Variants in TNR observed in about 807,000 individuals in gnomAD.
TNR encodes tenascin R.
In TNR, 45 loss-of-function variants were observed where a neutral mutation model predicts 150.4. The observed-to-expected ratio is 0.30, with a 90% confidence interval of 0.24 to 0.38. The LOEUF (loss-of-function observed/expected upper bound fraction) is 0.38. TNR is among the 10% of genes least tolerant of loss of function. The probability of loss-of-function intolerance (pLI) is 1.00; values close to 1 mark genes in which losing one functional copy is unlikely to be tolerated. For synonymous variants in TNR, 687 were observed against 678.4 expected (o/e 1.01, Z -0.20); for missense variants, 1,544 against 1,759.1 (o/e 0.88, Z 2.19).
At chr1:175,692,421 C>T (rs771574176) in intron 1 of TNR, among the ~76,000 whole-genome samples, 20 of 152,220 alleles carry the variant, frequency 1.3e-4, no homozygotes, top group Non-Finnish European at 2.4e-4. Flanking sequence ...TATATGTGTG[C>T]GTGGCATCTG....
intron 2 of TNR, among the ~76,000 whole-genome samples, chr1:175,467,351 T>G (rs1657079080): frequency 6.6e-6 from 1 of 152,230 alleles, no homozygotes; most frequent in African/African-American, 2.4e-5. Context: ...CTGCCTCATG[T>G]TCTTTAAAAC....
At chr1:175,479,205 G>A (rs1657673484) in intron 2 of TNR, among the ~76,000 whole-genome samples, 1 of 152,082 alleles carries the variant, frequency 6.6e-6, no homozygotes, top group Non-Finnish European at 1.5e-5. Flanking sequence ...CTCCCTAAAT[G>A]GTTGCCCAAT....
chr1:175,543,317 G>A (rs774848310), intron 1 of TNR, among the ~76,000 whole-genome samples: 16 of 152,194 alleles, frequency 1.1e-4, no homozygotes, highest in Admixed American at 2.6e-4. Flanking sequence ...TTTAATGGGA[G>A]AGACAGGTTC....
At position 175,407,981 on chromosome 1, in the gene TNR, G is replaced by C. The variant is rs375434802; in HGVS notation, c.-63-1204C>G. Among the ~76,000 whole-genome samples, 39 of 152,294 alleles carry C rather than the reference G, an allele frequency of 2.6e-4. No homozygotes were observed. The South Asian group carries it at 7.9e-3, about 31-fold the overall frequency. ...AGGAATATCGCGATTAGAAAATTTT[G>C]CTAGGGTCAGATTCAATGTTCTTTT... On this transcript the variant is annotated intron_variant, in intron 2 of 22. Coordinates refer to ENST00000367674, the MANE Select transcript of TNR (RefSeq NM_003285.3).
intron 1 of TNR, among the ~76,000 whole-genome samples, chr1:175,626,675 T>C (rs2101869562): frequency 1.3e-5 from 2 of 152,366 alleles, no homozygotes; most frequent in Middle Eastern, 6.8e-3. Flanking sequence ...CTTATTTATA[T>C]TTGTGTCTTA....
chr1:175,323,474 G>A lies in TNR; in HGVS notation c.3960C>T (p.Gly1320=). ...GKYGESRHSQ[G]INWYHWKGHE... Reference sequence around the variant, plus strand: ...GGCCTTTCCAATGGTACCAGTTGATGCCCTGGGCGTGAGAAAGATAAGCAT... The same window carrying A: ...GGCCTTTCCAATGGTACCAGTTGATACCCTGGGCGTGAGAAAGATAAGCAT... Residue 1320 remains glycine (G), a splice_region_variant and synonymous_variant, in exon 23 of 23, where the codon GGC becomes GGT. Transcript: ENST00000367674. 1 of 1,613,724 alleles carries A rather than the reference G, an allele frequency of 6.2e-7. No homozygotes were observed. The highest frequency in any genetic ancestry group is 8.5e-7 in the Non-Finnish European group (1 of 1,179,816).
chr1:175,592,517 C>T (rs1662840321), intron 1 of TNR, among the ~76,000 whole-genome samples: 3 of 152,262 alleles, frequency 2.0e-5, no homozygotes, highest in African/African-American at 7.2e-5. Context: ...GAGCCGGAGG[C>T]TCTCTCACTT....
intron 8 of TNR, among the ~76,000 whole-genome samples, chr1:175,381,483 G>A (rs3753550): frequency 0.054 from 8,157 of 152,254 alleles, 314 homozygotes; most frequent in Middle Eastern, 0.17. Context: ...TACCTCCAAT[G>A]TCAATGATCC....
intron 1 of TNR, among the ~76,000 whole-genome samples, chr1:175,553,931 A>G (rs1445155424): frequency 6.6e-6 from 1 of 152,118 alleles, no homozygotes; most frequent in African/African-American, 2.4e-5. Flanking sequence ...GAACAAATGC[A>G]TTATCTTAAA....
intron 2 of TNR, among the ~76,000 whole-genome samples, chr1:175,467,446 A>G (rs1657082251): frequency 6.6e-6 from 1 of 152,240 alleles, no homozygotes; most frequent in Non-Finnish European, 1.5e-5. Context: ...GAGTGACCCC[A>G]TGGAGAATTT....
chr1:175,507,810 A>G (rs1405677006), intron 2 of TNR, among the ~76,000 whole-genome samples: 1 of 152,236 alleles, frequency 6.6e-6, no homozygotes, highest in Non-Finnish European at 1.5e-5. Flanking sequence ...CACCAGCATG[A>G]GTGACAAGGA....
At chr1:175,448,962 G>A (rs909280516) in intron 2 of TNR, among the ~76,000 whole-genome samples, 1 of 152,204 alleles carries the variant, frequency 6.6e-6, no homozygotes, top group Non-Finnish European at 1.5e-5. Context: ...CCTTGAGTCA[G>A]GGAAGACCTG....
intron 1 of TNR, among the ~76,000 whole-genome samples, chr1:175,669,975 A>ACACTCTGTTT (rs1292986818): frequency 1.2e-4 from 18 of 152,256 alleles, no homozygotes; most frequent in Non-Finnish European, 2.1e-4. Context: ...AGGGAACTCT[A>ACACTCTGTTT]CACTCTGTTT....
intron 1 of TNR, among the ~76,000 whole-genome samples, chr1:175,572,889 T>C (rs566972704): frequency 9.2e-5 from 14 of 152,010 alleles, no homozygotes; most frequent in Non-Finnish European, 1.3e-4. Context: ...CCTTTCACCC[T>C]ACCTAGCCTC....
chr1:175,718,394 G>A (rs16849037), intron 1 of TNR, among the ~76,000 whole-genome samples: 7,658 of 152,208 alleles, frequency 0.05, 304 homozygotes, highest in East Asian at 0.22. Context: ...CGCAGCACTC[G>A]CACTAATTAG....
At chr1:175,483,869 T>C (rs1657904899) in intron 2 of TNR, among the ~76,000 whole-genome samples, 1 of 152,188 alleles carries the variant, frequency 6.6e-6, no homozygotes, top group Non-Finnish European at 1.5e-5. Flanking sequence ...AGGTGCACTG[T>C]CACCTACCCC....
intron 2 of TNR, among the ~76,000 whole-genome samples, chr1:175,417,574 T>A (rs1654554985): frequency 1.3e-5 from 2 of 152,208 alleles, no homozygotes; most frequent in South Asian, 4.1e-4. Flanking sequence ...ACACTACTAA[T>A]ATGTGCTAAA....
intron 2 of TNR, among the ~76,000 whole-genome samples, chr1:175,518,754 C>T (rs1487306957): frequency 1.3e-5 from 2 of 152,172 alleles, no homozygotes; most frequent in Non-Finnish European, 2.9e-5. Context: ...ACATAGCCAC[C>T]ATTACCTCCC....
chr1:175,364,026 C>A (rs1651721950), intron 12 of TNR, among the ~76,000 whole-genome samples, 199 bp from the exon 13 acceptor site: 1 of 152,164 alleles, frequency 6.6e-6, no homozygotes, highest in Non-Finnish European at 1.5e-5. Context: ...AAGCTATGTT[C>A]ATGGAGAATA....
Sources: gnomAD v4.1 joint callset for allele counts (sites outside exome capture counted in the v4.1 genomes callset) on GRCh38, gnomAD v4.1.1 for gene constraint, MANE v1.5 for transcripts, NCBI Gene and HGNC (gene_info 2026-07-23, HGNC 2026-07-21) for gene names.